DGKI: variants seen among roughly 807,000 people sequenced by gnomAD.
The protein encoded by DGKI is diacylglycerol kinase iota.
A neutral mutation model predicts 147.5 loss-of-function variants in DGKI; 55 were observed. The ratio of observed to expected loss-of-function variants is 0.37; its 90% CI spans 0.30 to 0.47. DGKI has a LOEUF of 0.47. Among genes scored for constraint, DGKI ranks in the 20% least tolerant of loss-of-function variants. The pLI is 1.00. For missense variants in DGKI, 1,007 were observed against 1,323.8 expected (o/e 0.76, Z 3.71); for synonymous variants, 469 against 477.1 (o/e 0.98, Z 0.22).
intron 21 of DGKI, among the ~76,000 whole-genome samples, chr7:137,521,114 A>C (rs1471304871): frequency 6.6e-6 from 1 of 152,022 alleles, no homozygotes; most frequent in Non-Finnish European, 1.5e-5. Flanking sequence ...CGAGAACCCT[A>C]ATATCTAACA....
intron 10 of DGKI, 144 bp from the exon 11 acceptor site, chr7:137,600,049 T>G: frequency 1.5e-6 from 1 of 671,572 alleles, no homozygotes; most frequent in Non-Finnish European, 2.5e-6. Context: ...CTTGGAAGGC[T>G]GACGCAGGTG....
At chr7:137,472,288 G>GTATATACATATAATAAT (rs1161207418) in intron 23 of DGKI, among the ~76,000 whole-genome samples, 1 of 23,618 alleles carries the variant, frequency 4.2e-5, no homozygotes, top group African/African-American at 1.1e-4. Flanking sequence ...AATATTATAT[G>GTATATACATATAATAAT]TATGTGTATA....
chr7:137,408,069 T>C, intron 29 of DGKI, 74 bp from the exon 30 acceptor site: 1 of 1,565,382 alleles, frequency 6.4e-7, no homozygotes, highest in Non-Finnish European at 8.7e-7. Context: ...GGTAATAAAA[T>C]GAGAGTCATG....
chr7:137,405,273 T>A (rs555797511), intron 30 of DGKI, among the ~76,000 whole-genome samples: 1 of 151,868 alleles, frequency 6.6e-6, no homozygotes, highest in Non-Finnish European at 1.5e-5. Flanking sequence ...AGAGACAGAG[T>A]CTGGCTCAGC....
intron 1 of DGKI, among the ~76,000 whole-genome samples, chr7:137,702,393 T>G (rs1424139678): frequency 6.6e-6 from 1 of 152,192 alleles, no homozygotes; most frequent in Non-Finnish European, 1.5e-5. Flanking sequence ...CCTATTTCTG[T>G]GCTTCTAGCA....
chr7:137,660,803 AGAT>A (rs748616201), intron 3 of DGKI, among the ~76,000 whole-genome samples: 5 of 151,802 alleles, frequency 3.3e-5, no homozygotes, highest in African/African-American at 9.7e-5. Flanking sequence ...AGGATGGGAA[AGAT>A]GATGAAAAAT....
At chr7:137,648,051 C>T (rs549816487) in intron 5 of DGKI, among the ~76,000 whole-genome samples, 11 of 147,290 alleles carry the variant, frequency 7.5e-5, no homozygotes, top group South Asian at 6.3e-4. Context: ...ACAGGGCTCA[C>T]GCTATTCAAC....
intron 19 of DGKI, among the ~76,000 whole-genome samples, chr7:137,561,136 T>C (rs1429626926): frequency 6.6e-6 from 1 of 152,100 alleles, no homozygotes; most frequent in East Asian, 1.9e-4. Flanking sequence ...CCATGTTTAT[T>C]GCAGCACTGC....
intron 20 of DGKI, among the ~76,000 whole-genome samples, chr7:137,531,189 C>A (rs1817325305): frequency 6.6e-6 from 1 of 152,088 alleles, no homozygotes; most frequent in South Asian, 2.1e-4. Flanking sequence ...AACATGCATT[C>A]TCATAGAAGA....
chr7:137,769,586 G>A (rs1323014667), intron 1 of DGKI, among the ~76,000 whole-genome samples: 1 of 152,088 alleles, frequency 6.6e-6, no homozygotes, highest in Admixed American at 6.5e-5. Context: ...ATTTGACAAA[G>A]GTCTAATATG....
intron 21 of DGKI, among the ~76,000 whole-genome samples, chr7:137,515,967 A>C (rs1289951495): frequency 6.6e-6 from 1 of 152,094 alleles, no homozygotes; most frequent in Non-Finnish European, 1.5e-5. Context: ...ACACACTTGC[A>C]AAAAGGAAGG....
intron 26 of DGKI, among the ~76,000 whole-genome samples, chr7:137,464,499 C>T (rs1020653185): frequency 1.3e-5 from 2 of 152,128 alleles, no homozygotes; most frequent in Non-Finnish European, 2.9e-5. Flanking sequence ...GTTGGCCTTC[C>T]CCACCACCTT....
chr7:137,463,645 T>C lies in DGKI; in HGVS notation c.2613-34A>G, dbSNP rs373333852. 5.4e-5 allele frequency: 86 copies of C among 1,601,224 alleles called. No homozygotes were observed. The African/African-American group carries it at 1.1e-3, about 20-fold the overall frequency. On this transcript the variant is annotated intron_variant, in intron 26 of 32. Coordinates refer to ENST00000614521, the MANE Select transcript of DGKI (RefSeq NM_001321708.2). ...AAGAAGGGCACCAGACAGTTAAACA[T>C]TCAAAGTCAGCCACGTGACTTCGTT... is the stretch of plus-strand genomic sequence containing the variant.
rs1814978242 is a variant in DGKI at position 137,472,331 on chromosome 7, A to ATAATAATTATATG, written c.2374-2713_2374-2712insCATATAATTATTA. Among the ~76,000 whole-genome samples, 7 of 2,556 alleles carry ATAATAATTATATG rather than the reference A, an allele frequency of 2.7e-3. 1 individual carries two copies. Among genetic ancestry groups the ATAATAATTATATG allele is most frequent in the Non-Finnish European group, 0.038 (2 of 52 alleles). 1.7% of individuals were successfully genotyped at this position (2,556 alleles called of 152,430 possible). On this transcript the variant is annotated intron_variant, in intron 23 of 32. Transcript: ENST00000614521. ...GTATATACATATAATTATTATATGT[A>ATAATAATTATATG]TATATACATATAATTATTATATGTA...
intron 18 of DGKI, 80 bp downstream of exon 18, chr7:137,572,685 G>C (rs1818834307): frequency 1.0e-6 from 1 of 968,008 alleles, no homozygotes; most frequent in East Asian, 2.4e-5. Context: ...GTTTACATCT[G>C]AAACTTTTCT....
rs561454308 is a variant in DGKI at position 137,577,622 on chromosome 7, T to C, written c.1699-338A>G. 3.9e-5 allele frequency among the ~76,000 whole-genome samples: 6 copies of C among 152,344 alleles called. No individual in the cohort carries two copies. The East Asian group carries it at 1.2e-3, about 29-fold the overall frequency. On this transcript the variant is annotated intron_variant, in intron 16 of 32. Transcript: ENST00000614521. ...GCTGATACAGTCTTTCCACTAAGAT[T>C]TCCTTATTTGCTCTGAGTTTCACAG... is the stretch of plus-strand genomic sequence containing the variant.
intron 14 of DGKI, among the ~76,000 whole-genome samples, chr7:137,583,818 G>C (rs17169310): frequency 0.011 from 1,663 of 152,016 alleles, 17 homozygotes; most frequent in Non-Finnish European, 0.018. Flanking sequence ...TTAAAAAAAA[G>C]CTTCGTATCT....
rs527802159 is a variant in DGKI at position 137,697,583 on chromosome 7, G to A, written c.402-7581C>T. 2.5e-4 allele frequency among the ~76,000 whole-genome samples: 38 copies of A among 151,980 alleles called. 1 individual carries two copies. Among genetic ancestry groups the A allele is most frequent in the Non-Finnish European group, 3.8e-4 (26 of 67,958 alleles). On this transcript the variant is annotated intron_variant, in intron 1 of 32. Coordinates refer to ENST00000614521, the MANE Select transcript of DGKI (RefSeq NM_001321708.2). ...CCTCTGTGGCATTAACTTCTCTTTC[G>A]GTCTATAAAATCATAAAACATCAGC...
rs1821414247 is a variant in DGKI, at chr7:137,638,453, C to CACATATATGTGT, written c.804+7018_804+7019insACACATATATGT. Reference sequence around the variant, plus strand: ...CTATATATATATATATACACACACACATATATATGTGTGTATATATGTGTG... The same window carrying CACATATATGTGT: ...CTATATATATATATATACACACACACACATATATGTGTATATATATGTGTGTATATATGTGTG... On this transcript the variant is annotated intron_variant, in intron 6 of 32. Coordinates refer to ENST00000614521, the MANE Select transcript of DGKI (RefSeq NM_001321708.2). 7.3e-5 allele frequency among the ~76,000 whole-genome samples: 6 copies of CACATATATGTGT among 81,706 alleles called. 1 individual carries two copies. The highest frequency in any genetic ancestry group is 3.2e-4 in the African/African-American group (6 of 18,786). 53.6% of individuals were successfully genotyped at this position (81,706 alleles called of 152,430 possible). A position where few individuals can be genotyped will look rare whatever the true frequency, so the allele number is the denominator to read the frequency against.
Sources: gnomAD v4.1 joint callset for allele counts (sites outside exome capture counted in the v4.1 genomes callset) on GRCh38, gnomAD v4.1.1 for gene constraint, MANE v1.5 for transcripts, NCBI Gene and HGNC (gene_info 2026-07-23, HGNC 2026-07-21) for gene names.